The following CDH8 variants were observed in gnomAD, a reference collection of about 807,000 sequenced individuals.
CDH8 encodes cadherin-8.
Under a neutral mutation model 68.1 loss-of-function variants are expected in CDH8, and 17 were observed. The observed-to-expected ratio is 0.25, with a 90% CI of 0.17 to 0.37. The LOEUF (loss-of-function observed/expected upper bound fraction) is 0.37. CDH8 is among the 10% of genes least tolerant of loss of function. The pLI, the probability that CDH8 is intolerant of heterozygous loss-of-function variation, is 1.00. For missense variants in CDH8, 763 were observed against 999.3 expected, an observed-to-expected ratio of 0.76 and a Z score of 3.19; for synonymous variants, 372 against 365.1, an observed-to-expected ratio of 1.02 and a Z score of -0.21.
At chr16:61,665,336 A>G (rs533019306) in intron 10 of CDH8, among the ~76,000 whole-genome samples, 1 of 152,168 alleles carries the variant, frequency 6.6e-6, no homozygotes, top group African/African-American at 2.4e-5. Context: ...TACTCCATGG[A>G]ATACTATGCA....
At chr16:61,820,890 A>G (rs780385659) in intron 6 of CDH8, 36 bp downstream of exon 6, 85 of 1,562,952 alleles carry the variant, frequency 5.4e-5, no homozygotes, top group Non-Finnish European at 1.7e-5. Flanking sequence ...TTTCAACAAG[A>G]TATTTTGAAG....
intron 10 of CDH8, among the ~76,000 whole-genome samples, chr16:61,697,453 C>T (rs866591476): frequency 9.2e-5 from 14 of 151,726 alleles, no homozygotes; most frequent in African/African-American, 3.4e-4. Context: ...TATCCACAAA[C>T]ACCAAGCTAT....
chr16:61,808,399 A>C (rs1333286260), intron 7 of CDH8, among the ~76,000 whole-genome samples: 2 of 152,248 alleles, frequency 1.3e-5, no homozygotes, highest in East Asian at 3.9e-4. Flanking sequence ...CAAATTCCTC[A>C]CTCTAAGCAG....
At chr16:61,781,616 A>G (rs551484468) in intron 8 of CDH8, among the ~76,000 whole-genome samples, 2 of 152,304 alleles carry the variant, frequency 1.3e-5, no homozygotes, top group African/African-American at 4.8e-5. Flanking sequence ...ACATGAATTA[A>G]GTTTAACTCT....
intron 10 of CDH8, among the ~76,000 whole-genome samples, chr16:61,707,421 TAAA>T (rs1964553886): frequency 6.6e-6 from 1 of 152,204 alleles, no homozygotes; most frequent in South Asian, 2.1e-4. Context: ...GAGCTAACCC[TAAA>T]TATTCCTAAC....
intron 8 of CDH8, among the ~76,000 whole-genome samples, chr16:61,765,613 T>G (rs1462752407): frequency 1.3e-5 from 2 of 152,034 alleles, no homozygotes; most frequent in Admixed American, 1.3e-4. Flanking sequence ...TAGTATTTTC[T>G]CCCCTCTGGG....
At chr16:61,990,305 C>CTTTTT (rs71134381) in intron 2 of CDH8, among the ~76,000 whole-genome samples, 3 of 82,984 alleles carry the variant, frequency 3.6e-5, no homozygotes, top group African/African-American at 8.1e-5. Flanking sequence ...TGAAGAAGTC[C>CTTTTT]TTTTTTTTTT....
intron 2 of CDH8, among the ~76,000 whole-genome samples, chr16:61,930,766 T>C (rs1328848467): frequency 3.3e-5 from 5 of 152,206 alleles, no homozygotes; most frequent in Non-Finnish European, 7.3e-5. Flanking sequence ...ATCATTTATT[T>C]CTCCTTGGAC....
chr16:61,670,971 A>C (rs1425493708), intron 10 of CDH8, among the ~76,000 whole-genome samples: 3 of 152,062 alleles, frequency 2.0e-5, no homozygotes, highest in Non-Finnish European at 4.4e-5. Flanking sequence ...ACCAAGGTTG[A>C]AAGCAGGCAA....
intron 8 of CDH8, among the ~76,000 whole-genome samples, chr16:61,776,495 G>A (rs530439403): frequency 2.0e-5 from 3 of 152,098 alleles, no homozygotes; most frequent in South Asian, 2.1e-4. Flanking sequence ...CAACCTGGCC[G>A]GGATACTTGG....
At chr16:61,722,078 C>T (rs1284034445) in intron 9 of CDH8, among the ~76,000 whole-genome samples, 2 of 150,694 alleles carry the variant, frequency 1.3e-5, no homozygotes, top group Non-Finnish European at 3.0e-5. Context: ...CATGTGTGTG[C>T]ATGTGTGTAT....
chr16:61,686,592 C>T (rs1028144335), intron 10 of CDH8, among the ~76,000 whole-genome samples: 4 of 151,886 alleles, frequency 2.6e-5, no homozygotes, highest in African/African-American at 4.8e-5. Flanking sequence ...CCGGGTCTGT[C>T]GCTGTCTTCT....
chr16:61,992,189 C>T (rs188057794), intron 2 of CDH8, among the ~76,000 whole-genome samples: 2 of 151,272 alleles, frequency 1.3e-5, no homozygotes, highest in African/African-American at 4.9e-5. Context: ...TCAGAGATAA[C>T]CCAAATGTCC....
At chr16:61,751,382 T>TAAAAAAAAAAAAAAAAAAAAAAAAA (rs71134375) in intron 8 of CDH8, among the ~76,000 whole-genome samples, 1 of 54,138 alleles carries the variant, frequency 1.8e-5, no homozygotes, top group African/African-American at 7.9e-5. Context: ...ATATTCTCCT[T>TAAAAAAAAAAAAAAAAAAAAAAAAA]AAAAAAAAAA....
chr16:61,794,325 C>T (rs950200565), intron 7 of CDH8, among the ~76,000 whole-genome samples: 1 of 151,984 alleles, frequency 6.6e-6, no homozygotes, highest in Non-Finnish European at 1.5e-5. Flanking sequence ...CCTGAGTTCT[C>T]ATCTTAGTCT....
At chr16:61,865,638 A>C in intron 3 of CDH8, among the ~76,000 whole-genome samples, 1 of 152,104 alleles carries the variant, frequency 6.6e-6, no homozygotes, top group East Asian at 1.9e-4. Context: ...GAAAACTAAT[A>C]AGCTGCCTGT....
intron 2 of CDH8, among the ~76,000 whole-genome samples, chr16:61,962,967 T>G (rs1965184864): frequency 6.6e-6 from 1 of 152,206 alleles, no homozygotes; most frequent in African/African-American, 2.4e-5. Context: ...TGTATTCACA[T>G]CAATGTTGTA....
chr16:61,719,683 G>A (rs931175551), intron 9 of CDH8, among the ~76,000 whole-genome samples: 1 of 150,720 alleles, frequency 6.6e-6, no homozygotes, highest in African/African-American at 2.4e-5. Context: ...CTATTGCTTT[G>A]TGGGAATATC....
intron 2 of CDH8, among the ~76,000 whole-genome samples, chr16:62,016,059 C>T (rs1285785585): frequency 6.6e-6 from 1 of 152,128 alleles, no homozygotes; most frequent in Non-Finnish European, 1.5e-5. Context: ...ATCAAAAATG[C>T]TCTTTTTCTC....
Sources: allele counts gnomAD v4.1 joint callset (sites outside exome capture counted in the v4.1 genomes callset), GRCh38; gene constraint gnomAD v4.1.1; transcripts MANE v1.5; gene names NCBI Gene and HGNC (gene_info 2026-07-23, HGNC 2026-07-21).